Variants in DNAH9 observed in about 807,000 individuals in gnomAD.
DNAH9 encodes DNAH9 variant protein.
In DNAH9, 345 loss-of-function variants were observed where a neutral mutation model predicts 471.6. The ratio of observed to expected loss-of-function variants is 0.73; its 90% CI spans 0.67 to 0.80. The LOEUF is 0.80. Among genes scored for constraint, DNAH9 ranks in the 30% least tolerant of loss-of-function variants. The pLI is 0.00. For missense variants in DNAH9, 5,407 were observed against 5,609.2 expected, an observed-to-expected ratio of 0.96 and a Z score of 1.15; for synonymous variants, 2,093 against 2,123.6, an observed-to-expected ratio of 0.99 and a Z score of 0.40.
intron 35 of DNAH9, 126 bp from the exon 36 acceptor site, chr17:11,763,314 C>G (rs1302956532): frequency 1.2e-6 from 1 of 807,376 alleles, no homozygotes; most frequent in East Asian, 2.5e-5. Flanking sequence ...CTCTGGTTGT[C>G]TGTAATCCCA....
chr17:11,892,056 A>C lies in DNAH9; in HGVS notation c.11283+109A>C. 1 of 1,316,408 alleles carries C rather than the reference A, an allele frequency of 7.6e-7. No homozygotes were observed. Among genetic ancestry groups the C allele is most frequent in the Non-Finnish European group, 1.1e-6 (1 of 942,228 alleles). The allele number at this position is 1,316,408 out of a possible 1,614,324, so 81.5% of individuals were successfully genotyped here. A position where few individuals can be genotyped will look rare whatever the true frequency, so the allele number is the denominator to read the frequency against. ...ACATCACTTTCCACAGCATGTCCAG[A>C]CTATCTGTCTTTGGATAGAGGCATC... On this transcript the variant is annotated intron_variant, in intron 58 of 68. Transcript: ENST00000262442. The surrounding 1 kb of genome is among the most constrained non-coding windows in gnomAD (Gnocchi z 4.3).
At chr17:11,762,301 A>C (rs752498589) in intron 35 of DNAH9, among the ~76,000 whole-genome samples, 22 of 152,168 alleles carry the variant, frequency 1.4e-4, no homozygotes, top group Non-Finnish European at 3.1e-4. Context: ...CTCTGCCTCC[A>C]TGCTGCCTAT....
chr17:11,677,956 T>C (rs1298078025), intron 17 of DNAH9, among the ~76,000 whole-genome samples: 1 of 152,070 alleles, frequency 6.6e-6, no homozygotes, highest in Admixed American at 6.5e-5. Flanking sequence ...TATTCTATCA[T>C]TCCTAGTAAT....
intron 67 of DNAH9, among the ~76,000 whole-genome samples, chr17:11,959,339 G>C (rs1479774120): frequency 6.6e-6 from 1 of 152,016 alleles, no homozygotes; most frequent in Non-Finnish European, 1.5e-5. Context: ...CATTTATTTT[G>C]TCCTTTGCAC....
Position 11,757,699 on chromosome 17 carries a change from C to T in DNAH9, c.6995+7C>T. 1 of 1,613,246 alleles carries T rather than the reference C, an allele frequency of 6.2e-7. No individual in the cohort carries two copies. Reference sequence around the variant, plus strand: ...TAGACACACTCAGAACCAGGTAGGCCAAGAAACAAGGAAGATAGAGAGTTA... The same window carrying T: ...TAGACACACTCAGAACCAGGTAGGCTAAGAAACAAGGAAGATAGAGAGTTA... On this transcript the variant is annotated splice_region_variant and intron_variant, in intron 35 of 68. Transcript: ENST00000262442.
At chr17:11,880,226 C>T (rs746003099) in intron 54 of DNAH9, 26 bp downstream of exon 54, 6 of 1,609,810 alleles carry the variant, frequency 3.7e-6, no homozygotes, top group Non-Finnish European at 5.1e-6. Context: ...GTTGCTGACC[C>T]TTCGGGGGGA....
At chr17:11,761,982 C>A (rs1811876912) in intron 35 of DNAH9, among the ~76,000 whole-genome samples, 1 of 152,184 alleles carries the variant, frequency 6.6e-6, no homozygotes, top group Admixed American at 6.5e-5. Flanking sequence ...GCAGTTGGCA[C>A]CTATCCTCTT....
Position 11,762,770 on chromosome 17 carries a change from G to GTTTTTTTT in DNAH9, c.6996-650_6996-643dup, listed in dbSNP as rs563544881. ...CCTCTTTAGGTGCGTTTTTTTTTTT[G>GTTTTTTTT]TTTTTTTTTTTTTTTTTTTTTTTTT... On this transcript the variant is annotated intron_variant, in intron 35 of 68. Transcript: ENST00000262442. Among the ~76,000 whole-genome samples the GTTTTTTTT allele has an allele frequency of 5.9e-4, 54 of 90,772 alleles. 3 individuals carry two copies. Among genetic ancestry groups the GTTTTTTTT allele is most frequent in the South Asian group, 1.2e-3 (3 of 2,414 alleles). 59.5% of individuals were successfully genotyped at this position (90,772 alleles called of 152,430 possible).
At chr17:11,762,770 GT>G (rs563544881) in intron 35 of DNAH9, among the ~76,000 whole-genome samples, 17 of 90,788 alleles carry the variant, frequency 1.9e-4, no homozygotes, top group African/African-American at 4.5e-4. Flanking sequence ...TTTTTTTTTT[GT>G]TTTTTTTTTT....
chr17:11,708,364 G>A (rs557311233), intron 26 of DNAH9, among the ~76,000 whole-genome samples: 25 of 152,294 alleles, frequency 1.6e-4, no homozygotes, highest in Non-Finnish European at 3.5e-4. Context: ...CTGTGTCTTG[G>A]CTCCCAGTGA....
intron 1 of DNAH9, among the ~76,000 whole-genome samples, chr17:11,599,137 G>A (rs1345646026): frequency 2.6e-5 from 4 of 152,064 alleles, no homozygotes; most frequent in Non-Finnish European, 4.4e-5. Flanking sequence ...GCGGAGTCGG[G>A]TGGGTCCGGA....
chr17:11,917,855 G>A (rs542111592), intron 61 of DNAH9, among the ~76,000 whole-genome samples: 31 of 152,032 alleles, frequency 2.0e-4, no homozygotes, highest in Non-Finnish European at 4.0e-4. Context: ...CTCCTCCTTG[G>A]CCCTCCCCTT....
intron 43 of DNAH9, among the ~76,000 whole-genome samples, chr17:11,804,929 C>T (rs1440884835): frequency 2.6e-5 from 4 of 151,224 alleles, no homozygotes; most frequent in Non-Finnish European, 5.9e-5. Context: ...CAAATGTAAT[C>T]TCCGCTACTC....
intron 21 of DNAH9, 99 bp downstream of exon 21, chr17:11,694,097 T>C: frequency 6.9e-7 from 1 of 1,451,952 alleles, no homozygotes; most frequent in South Asian, 1.3e-5. Context: ...ATGGGTGCCT[T>C]GCATGTCCCT....
chr17:11,924,083 T>C (rs1974232009), intron 62 of DNAH9, 142 bp downstream of exon 62: 1 of 1,265,274 alleles, frequency 7.9e-7, no homozygotes, highest in Non-Finnish European at 1.1e-6. Context: ...TCTTCTCTCT[T>C]TCCAGTTCTC....
intron 22 of DNAH9, among the ~76,000 whole-genome samples, chr17:11,697,683 A>G (rs947618129): frequency 6.6e-6 from 1 of 152,110 alleles, no homozygotes; most frequent in African/African-American, 2.4e-5. Context: ...TCCACTTTAT[A>G]CATGCTATAT....
chr17:11,749,091 T>G (rs1236372214), intron 32 of DNAH9, among the ~76,000 whole-genome samples: 5 of 66,316 alleles, frequency 7.5e-5, no homozygotes, highest in African/African-American at 1.9e-4. Context: ...TTTTTGTTTT[T>G]TTTTTTTTTT....
intron 27 of DNAH9, among the ~76,000 whole-genome samples, chr17:11,723,808 C>T (rs1330674174): frequency 6.6e-6 from 1 of 151,964 alleles, no homozygotes; most frequent in Admixed American, 6.6e-5. Context: ...GCTTGGACTA[C>T]AGGCGCCCGC....
intron 44 of DNAH9, among the ~76,000 whole-genome samples, chr17:11,809,776 C>T (rs11657334): frequency 0.7 from 102,766 of 146,802 alleles, 35,398 homozygotes; most frequent in African/African-American, 0.82. Context: ...CTTCCATATA[C>T]GTAAGTAAGT....
Sources: gnomAD v4.1 joint callset for allele counts (sites outside exome capture counted in the v4.1 genomes callset) on GRCh38, gnomAD v4.1.1 for gene constraint, Gnocchi (gnomAD v3.1) non-coding constraint, MANE v1.5 for transcripts, NCBI Gene and HGNC (gene_info 2026-07-23, HGNC 2026-07-21) for gene names.